PEPD: variants seen among roughly 807,000 people sequenced by gnomAD.
PEPD encodes the protein peptidase D.
Under a neutral mutation model 60.7 loss-of-function variants are expected in PEPD, and 53 were observed. The ratio of observed to expected loss-of-function variants is 0.87; its 90% CI spans 0.70 to 1.10. The LOEUF is 1.10. Among genes scored for constraint, PEPD ranks in the 50% least tolerant of loss-of-function variants. PEPD has a pLI of 0.00. For synonymous variants in PEPD, 267 were observed against 284.1 expected, an observed-to-expected ratio of 0.94 and a Z score of 0.60; for missense variants, 711 against 711.9, an observed-to-expected ratio of 1.00 and a Z score of 0.01.
intron 1 of PEPD, 81 bp from the exon 2 acceptor site, chr19:33,512,857 C>T (rs1600176836): frequency 6.6e-6 from 10 of 1,514,418 alleles, no homozygotes; most frequent in Middle Eastern, 1.7e-4. Context: ...TCGGGGTGAC[C>T]GGAGGCCCGA....
At chr19:33,448,196 A>C (rs1969627968) in intron 9 of PEPD, among the ~76,000 whole-genome samples, 1 of 152,172 alleles carries the variant, frequency 6.6e-6, no homozygotes, top group African/African-American at 2.4e-5. Flanking sequence ...TTTTCTAAAA[A>C]CCGGCACCAA....
At chr19:33,397,609 G>T (rs76504033) in intron 12 of PEPD, among the ~76,000 whole-genome samples, 85 of 151,956 alleles carry the variant, frequency 5.6e-4, no homozygotes, top group African/African-American at 1.9e-3. Context: ...TGGTAGGTGT[G>T]GGGGGGCTGC....
intron 11 of PEPD, 114 bp from the exon 12 acceptor site, chr19:33,401,983 A>G (rs2145347362): frequency 1.1e-6 from 1 of 931,550 alleles, no homozygotes; most frequent in South Asian, 1.4e-5. Flanking sequence ...CCTGGATGCA[A>G]CTCCCCCTCA....
chr19:33,510,691 C>T (rs899453953), intron 3 of PEPD, among the ~76,000 whole-genome samples: 1 of 152,184 alleles, frequency 6.6e-6, no homozygotes, highest in African/African-American at 2.4e-5. Context: ...TTTCTAATGG[C>T]CTGCATTTGC....
Position 33,411,880 on chromosome 19 carries a change from G to A in PEPD, c.741-131C>T, listed in dbSNP as rs1450890525. On this transcript the variant is annotated intron_variant, in intron 10 of 14. Coordinates refer to ENST00000244137, the MANE Select transcript of PEPD (RefSeq NM_000285.4). ...CTCCAGCACAGGCCCAGGCGTGGCTGGACCAGGTCCACAGCCAGAGGTAAG... is the reference window on the plus strand; with the variant it reads ...CTCCAGCACAGGCCCAGGCGTGGCTAGACCAGGTCCACAGCCAGAGGTAAG... 2.1e-5 allele frequency: 15 copies of A among 709,558 alleles called. No homozygotes were observed. The Admixed American group carries it at 3.0e-4, about 14-fold the overall frequency. The allele number at this position is 709,558 out of a possible 1,614,324, so 44.0% of individuals were successfully genotyped here.
At position 33,468,230 on chromosome 19, in the gene PEPD, G is replaced by A. The variant is rs75820934; in HGVS notation, c.549-4168C>T. 1.2e-3 allele frequency among the ~76,000 whole-genome samples: 184 copies of A among 152,270 alleles called. 1 individual carries two copies. Among genetic ancestry groups the A allele is most frequent in the African/African-American group, 4.2e-3 (173 of 41,552 alleles). ...GGCCAGCTCCTTTTCCTTTACTAAA[G>A]ATGACTTACCTGCACCAAAGCTCCC... is the stretch of plus-strand genomic sequence containing the variant. On this transcript the variant is annotated intron_variant, in intron 7 of 14. Coordinates refer to ENST00000244137, the MANE Select transcript of PEPD (RefSeq NM_000285.4).
At position 33,428,535 on chromosome 19, in the gene PEPD, G is replaced by A. The variant is rs1250429032; in HGVS notation, c.672-14892C>T. Among the ~76,000 whole-genome samples the A allele has an allele frequency of 3.3e-5, 5 of 149,876 alleles. No individual in the cohort carries two copies. In the East Asian group the frequency reaches 5.8e-4, roughly 17 times the overall value. On this transcript the variant is annotated intron_variant, in intron 9 of 14. Coordinates refer to ENST00000244137, the MANE Select transcript of PEPD (RefSeq NM_000285.4). Reference sequence around the variant, plus strand: ...CTTCAGGAGCTGGGAGGATGTCCACGCTCCACCTCCTGCTCACCGCCAGTT... The same window carrying A: ...CTTCAGGAGCTGGGAGGATGTCCACACTCCACCTCCTGCTCACCGCCAGTT...
chr19:33,465,851 A>G (rs1364434324), intron 7 of PEPD, among the ~76,000 whole-genome samples: 1 of 152,156 alleles, frequency 6.6e-6, no homozygotes, highest in Non-Finnish European at 1.5e-5. Context: ...ACAAACTACT[A>G]ACCAAATACA....
At chr19:33,512,546 A>C (rs1246228297) in intron 2 of PEPD, 47 bp downstream of exon 2, 1 of 1,577,898 alleles carries the variant, frequency 6.3e-7, no homozygotes, top group Admixed American at 1.7e-5. Context: ...TCAGGACAGC[A>C]GCACCATCAC....
At chr19:33,389,242 TGAG>T (rs1206452238) in intron 13 of PEPD, 1 of 152,246 alleles carries the variant, frequency 6.6e-6, no homozygotes, top group Admixed American at 6.5e-5. Context: ...CGGGAGGCGA[TGAG>T]GAGACACCAC....
At chr19:33,495,993 AC>A (rs1970595543) in intron 4 of PEPD, among the ~76,000 whole-genome samples, 1 of 125,316 alleles carries the variant, frequency 8.0e-6, no homozygotes, top group African/African-American at 2.9e-5. Context: ...AAAACAAAAA[AC>A]AAAAAAAAAC....
intron 13 of PEPD, among the ~76,000 whole-genome samples, chr19:33,390,951 T>C (rs16968067): frequency 0.21 from 32,514 of 152,074 alleles, 4,216 homozygotes; most frequent in African/African-American, 0.37. Flanking sequence ...GGGTGCCACG[T>C]AGCTCCATCA....
intron 9 of PEPD, among the ~76,000 whole-genome samples, chr19:33,443,536 T>G (rs1969524966): frequency 6.6e-6 from 1 of 152,368 alleles, no homozygotes; most frequent in South Asian, 2.1e-4. Context: ...ATAATTGCCA[T>G]GTACACAATA....
chr19:33,513,818 G>A (rs746134624), intron 1 of PEPD, among the ~76,000 whole-genome samples: 7 of 151,676 alleles, frequency 4.6e-5, no homozygotes, highest in Non-Finnish European at 8.8e-5. Flanking sequence ...AGCCTTTGCC[G>A]CTGCGGCGCC....
intron 9 of PEPD, among the ~76,000 whole-genome samples, chr19:33,444,770 G>A (rs1969560980): frequency 6.6e-6 from 1 of 151,812 alleles, no homozygotes. Context: ...AGACCTGGCT[G>A]TGTGGCCCAC....
chr19:33,518,697 A>T (rs1311255665), intron 1 of PEPD, among the ~76,000 whole-genome samples: 1 of 152,008 alleles, frequency 6.6e-6, no homozygotes, highest in Non-Finnish European at 1.5e-5. Flanking sequence ...CATTCATTTC[A>T]CCAAGCACCA....
At chr19:33,490,145 C>G in intron 5 of PEPD, 88 bp from the exon 6 acceptor site, 1 of 859,632 alleles carries the variant, frequency 1.2e-6, no homozygotes, top group South Asian at 1.4e-5. Flanking sequence ...AGGCTCAGGA[C>G]AGGTAAGAAC....
rs1345964176 is a variant in PEPD at position 33,401,735 on chromosome 19, C to T, written c.953G>A (p.Gly318Asp). The change falls in exon 12 of 15, where the codon GGT (glycine) becomes GAT (aspartate). Residue 318 changes from glycine (G) to aspartate (D), a missense_variant. Physicochemically the swap from Gly to Asp is moderately conservative, Grantham distance 94 (BLOSUM62 -1). Coordinates refer to ENST00000244137, the MANE Select transcript of PEPD (RefSeq NM_000285.4). ...AVLRSSRAVM[G>D]AMKPGVWWPD... ...CCGCTGCTCACCTGGCTTCATGGCA[C>T]CCATGACGGCACGGGAGCTCCGCAG... 3 of 1,608,200 alleles carry T rather than the reference C, an allele frequency of 1.9e-6. No homozygotes were observed. Among genetic ancestry groups the T allele is most frequent in the South Asian group, 1.1e-5 (1 of 90,132 alleles).
At chr19:33,453,553 A>C (rs1969739768) in intron 9 of PEPD, among the ~76,000 whole-genome samples, 1 of 152,210 alleles carries the variant, frequency 6.6e-6, no homozygotes, top group African/African-American at 2.4e-5. Context: ...TTAGCAATAA[A>C]GTCTTTTTAA....
Sources: allele counts gnomAD v4.1 joint callset (sites outside exome capture counted in the v4.1 genomes callset), GRCh38; gene constraint gnomAD v4.1.1; transcripts MANE v1.5; gene names NCBI Gene and HGNC (gene_info 2026-07-23, HGNC 2026-07-21).